The following SLC25A47 variants were observed in gnomAD, a reference collection of about 807,000 sequenced individuals.
SLC25A47 encodes HCC-down-regulated mitochondrial carrier protein.
Under a neutral mutation model 29.8 loss-of-function variants are expected in SLC25A47, and 30 were observed. That is an observed-to-expected ratio of 1.01 (90% CI 0.75 to 1.36). The LOEUF (loss-of-function observed/expected upper bound fraction) is 1.36, where lower values mean the gene tolerates loss of function less well. SLC25A47 is among the 40% of genes most tolerant of loss of function. SLC25A47 has a pLI of 0.00. For synonymous variants in SLC25A47, 204 were observed against 197.8 expected, an observed-to-expected ratio of 1.03 and a Z score of -0.26; for missense variants, 430 against 441.9, an observed-to-expected ratio of 0.97 and a Z score of 0.24.
In SLC25A47 at chr14:100,325,827, T is replaced by G. The variant is rs1893329263; in HGVS notation, c.68T>G (p.Val23Gly). 6.2e-7 allele frequency: 1 copy of G among 1,612,282 alleles called. No homozygotes were observed. The highest frequency in any genetic ancestry group is 8.5e-7 in the Non-Finnish European group (1 of 1,179,160). The part of the protein sequence containing the change: ...GVAVGYPLDT[V>G]KVRIQTEPKY... ...GCTGTGGGCTACCCCCTGGACACGG[T>G]GAAGGTGCGGCAATAGCCAGCCCCC... is the stretch of plus-strand genomic sequence containing the variant. The change falls in exon 2 of 6, where the codon GTG (valine) becomes GGG (glycine). Residue 23 changes from valine (V) to glycine (G), a missense_variant. Coordinates refer to ENST00000361529, the MANE Select transcript of SLC25A47 (RefSeq NM_207117.4).
intron 3 of SLC25A47, among the ~76,000 whole-genome samples, 175 bp from the exon 4 acceptor site, chr14:100,327,013 C>T (rs1893350940): frequency 6.6e-6 from 1 of 152,158 alleles, no homozygotes; most frequent in Non-Finnish European, 1.5e-5. Flanking sequence ...TCCTCTGGCT[C>T]TTCAGGTCCC....
At chr14:100,326,306 C>T in intron 3 of SLC25A47, 78 bp downstream of exon 3, 1 of 1,323,958 alleles carries the variant, frequency 7.6e-7, no homozygotes, top group Admixed American at 1.9e-5. Context: ...GCAGGTGATG[C>T]CAGGCTCCCC....
chr14:100,328,711 C>T lies in SLC25A47; in HGVS notation c.328-15C>T, dbSNP rs765915615. ...AGCCACAGGTGGCTGACCCCTGCTT[C>T]CTTCTCTGCTCCAGGTGTTCCTGAC... On this transcript the variant is annotated splice_polypyrimidine_tract_variant and intron_variant, in intron 4 of 5. Coordinates refer to ENST00000361529, the MANE Select transcript of SLC25A47 (RefSeq NM_207117.4). 1.9e-6 allele frequency: 3 copies of T among 1,612,808 alleles called. No individual in the cohort carries two copies. The highest frequency in any genetic ancestry group is 2.5e-6 in the Non-Finnish European group (3 of 1,179,796).
Position 100,327,174 on chromosome 14 carries a change from A to G in SLC25A47, c.145-14A>G. ...CTGGCGGGGCCCTAGCCTGACCTGG[A>G]TCCTGTCTGCTAGGTGTGGGGCTTC... On this transcript the variant is annotated splice_polypyrimidine_tract_variant and intron_variant, in intron 3 of 5. Transcript: ENST00000361529. The G allele has an allele frequency of 6.3e-7, 1 of 1,592,160 alleles. No homozygotes were observed. Among genetic ancestry groups the G allele is most frequent in the Admixed American group, 1.7e-5 (1 of 58,650 alleles).
intron 5 of SLC25A47, 57 bp from the exon 6 acceptor site, chr14:100,329,308 C>T (rs1474153713): frequency 1.9e-5 from 29 of 1,529,498 alleles, no homozygotes; most frequent in African/African-American, 5.5e-5. Context: ...GTCCAGGGTG[C>T]GCTGCCCTGG....
Position 100,329,112 on chromosome 14 carries a change from G to A in SLC25A47, c.646+68G>A, listed in dbSNP as rs1893399929. 2.0e-6 allele frequency: 3 copies of A among 1,525,522 alleles called. No individual in the cohort carries two copies. In the Admixed American group the frequency reaches 6.2e-5, roughly 31 times the overall value. The allele number at this position is 1,525,522 out of a possible 1,614,324, so 94.5% of individuals were successfully genotyped here. Reference sequence around the variant, plus strand: ...GATGAGGAGGTCAAGGTGAGGTCGTGCTGCCCGCCAGTACCCGAGTGGGGG... The same window carrying A: ...GATGAGGAGGTCAAGGTGAGGTCGTACTGCCCGCCAGTACCCGAGTGGGGG... On this transcript the variant is annotated intron_variant, in intron 5 of 5. Transcript: ENST00000361529.
Position 100,328,820 on chromosome 14 carries a change from C to T in SLC25A47, c.422C>T (p.Pro141Leu), listed in dbSNP as rs759660610. 68 of 1,612,608 alleles carry T rather than the reference C, an allele frequency of 4.2e-5. No homozygotes were observed. Among genetic ancestry groups the T allele is most frequent in the African/African-American group, 4.0e-5 (3 of 74,952 alleles). The change falls in exon 5 of 6, where the codon CCG becomes CTG. Residue 141 changes from proline (P) to leucine (L), a missense_variant. By Grantham distance (98) the Pro-to-Leu change is moderately conservative. Transcript: ENST00000361529. ...KQQRRLSASG[P>L]LAVPPMCPVP... The stretch of plus-strand genomic sequence containing the variant: ...CAGCGGCGGCTTTCGGCCTCGGGGC[C>T]GTTGGCTGTGCCCCCCATGTGTCCT...
chr14:100,329,085 AG>A (rs1313350332), intron 5 of SLC25A47, 41 bp downstream of exon 5: 1 of 1,581,948 alleles, frequency 6.3e-7, no homozygotes, highest in African/African-American at 1.4e-5. Flanking sequence ...GGAGCCCAGA[AG>A]GATGAGGAGG....
intron 1 of SLC25A47, among the ~76,000 whole-genome samples, chr14:100,324,505 G>A (rs1293446974): frequency 2.0e-5 from 3 of 152,210 alleles, no homozygotes; most frequent in South Asian, 2.1e-4. Context: ...GATTACAGGC[G>A]TGAGCCACTG....
chr14:100,325,756 C>G (rs9324019), intron 1 of SLC25A47, 32 bp from the exon 2 acceptor site: 502,413 of 1,606,802 alleles, frequency 0.31, 84,897 homozygotes, highest in Admixed American at 0.58. Context: ...CGGCCCCACT[C>G]TCCTCACCGT....
At chr14:100,325,756 C>A (rs9324019) in intron 1 of SLC25A47, 32 bp from the exon 2 acceptor site, 1 of 1,607,356 alleles carries the variant, frequency 6.2e-7, no homozygotes, top group Non-Finnish European at 8.5e-7. Context: ...CGGCCCCACT[C>A]TCCTCACCGT....
At chr14:100,325,092 C>T (rs774772430) in intron 1 of SLC25A47, among the ~76,000 whole-genome samples, 2 of 152,188 alleles carry the variant, frequency 1.3e-5, no homozygotes, top group Non-Finnish European at 2.9e-5. Flanking sequence ...TACCACCTCC[C>T]CTCAGGGGAG....
rs752917057 is a variant in SLC25A47 at position 100,328,827 on chromosome 14, T to C, written c.429T>C (p.Ala143=). 7 of 1,612,470 alleles carry C rather than the reference T, an allele frequency of 4.3e-6. No individual in the cohort carries two copies. In the South Asian group the frequency reaches 4.4e-5, roughly 10 times the overall value. Residue 143 remains alanine (A), a synonymous_variant, in exon 5 of 6, where the codon GCT becomes GCC. Coordinates refer to ENST00000361529, the MANE Select transcript of SLC25A47 (RefSeq NM_207117.4). ...GGCTTTCGGCCTCGGGGCCGTTGGC[T>C]GTGCCCCCCATGTGTCCTGTGCCCC... ...QRRLSASGPL[A]VPPMCPVPPA... is the part of the protein sequence containing the mutation.
chr14:100,323,407 C>A lies in SLC25A47; in HGVS notation c.-8C>A. 2 of 1,613,796 alleles carry A rather than the reference C, an allele frequency of 1.2e-6. No homozygotes were observed. The highest frequency in any genetic ancestry group is 1.7e-6 in the Non-Finnish European group (2 of 1,179,878). The stretch of plus-strand genomic sequence containing the variant: ...GCAGACCCAGGGCCTCCCCGCCACA[C>A]CTTGTTCATGGATTTTGTCGCTGGA... On this transcript the variant is annotated 5_prime_UTR_variant, in exon 1 of 6. Transcript: ENST00000361529.
chr14:100,327,522 TC>T, intron 4 of SLC25A47, 152 bp downstream of exon 4: 1 of 917,000 alleles, frequency 1.1e-6, no homozygotes, highest in Non-Finnish European at 1.6e-6. Context: ...AGAACTCGCA[TC>T]CCGCCTAGGC....
intron 3 of SLC25A47, among the ~76,000 whole-genome samples, chr14:100,326,936 T>A (rs1893349429): frequency 6.6e-6 from 1 of 152,008 alleles, no homozygotes; most frequent in African/African-American, 2.4e-5. Flanking sequence ...ATCGTGCCAC[T>A]GCACTCCAGC....
In SLC25A47 at chr14:100,329,588, G is replaced by C; in HGVS notation, c.870G>C (p.Met290Ile). Residue 290 changes from methionine to isoleucine, a missense_variant, in exon 6 of 6, where the codon ATG becomes ATC. Transcript: ENST00000361529. ...LNCCRAFPVN[M>I]VVFVAYEAVL... ...GCTGCCGCGCCTTCCCTGTCAACAT[G>C]GTGGTCTTCGTCGCCTATGAGGCAG... is the stretch of plus-strand genomic sequence containing the variant. 1.9e-6 allele frequency: 3 copies of C among 1,613,676 alleles called. No homozygotes were observed. Among genetic ancestry groups the C allele is most frequent in the Non-Finnish European group, 2.5e-6 (3 of 1,180,012 alleles).
Position 100,325,758 on chromosome 14 carries a change from C to T in SLC25A47, c.29-30C>T, listed in dbSNP as rs558384059. 4.3e-6 allele frequency: 7 copies of T among 1,609,892 alleles called. No individual in the cohort carries two copies. The African/African-American group carries it at 8.0e-5, about 18-fold the overall frequency. On this transcript the variant is annotated intron_variant, in intron 1 of 5. Transcript: ENST00000361529. Reference sequence around the variant, plus strand: ...TTGAACTGCTCGCCGGCCCCACTCTCCTCACCGTGGGCCTCTTCTTTCCTT... The same window carrying T: ...TTGAACTGCTCGCCGGCCCCACTCTTCTCACCGTGGGCCTCTTCTTTCCTT...
At position 100,329,516 on chromosome 14, in the gene SLC25A47, TC is replaced by T; in HGVS notation, c.799del (p.Arg267GlufsTer34). The T allele has an allele frequency of 6.2e-7, 1 of 1,613,408 alleles. No homozygotes were observed. Among genetic ancestry groups the T allele is most frequent in the Non-Finnish European group, 8.5e-7 (1 of 1,179,992 alleles). On this transcript the variant is annotated frameshift_variant, in exon 6 of 6. Coordinates refer to ENST00000361529, the MANE Select transcript of SLC25A47 (RefSeq NM_207117.4). LOFTEE classifies it high-confidence loss of function. ...TCCTGCACTGTATGGTGACCAGCGT[TC>T]GAGAGGAGGGACCCCGGGTCCTTTT... is the stretch of plus-strand genomic sequence containing the variant. ...GLLHCMVTSV[R>X]EEGPRVLFKG...
Sources: gnomAD v4.1 joint callset for allele counts (sites outside exome capture counted in the v4.1 genomes callset) on GRCh38, gnomAD v4.1.1 for gene constraint, MANE v1.5 for transcripts, NCBI Gene and HGNC (gene_info 2026-07-23, HGNC 2026-07-21) for gene names.